ZMYM6: variants seen among roughly 807,000 people sequenced by gnomAD.
ZMYM6 encodes zinc finger MYM-type protein 6.
Under a neutral mutation model 134.0 loss-of-function variants are expected in ZMYM6, and 90 were observed. The observed-to-expected ratio is 0.67, with a 90% CI of 0.57 to 0.80. The LOEUF is 0.80. Ranked by LOEUF, ZMYM6 falls within the 30% of genes least tolerant of loss-of-function variation. The pLI is 0.00. For missense variants in ZMYM6, 1,362 were observed against 1,533.9 expected (o/e 0.89, Z 1.87); for synonymous variants, 481 against 524.1 (o/e 0.92, Z 1.12).
intron 2 of ZMYM6, among the ~76,000 whole-genome samples, chr1:35,028,042 G>A (rs1279644665): frequency 6.6e-6 from 1 of 152,126 alleles, no homozygotes; most frequent in Non-Finnish European, 1.5e-5. Context: ...GGCTGGGCAT[G>A]GTGGCTTACA....
At chr1:34,998,055 C>T (rs145865940) in intron 14 of ZMYM6, among the ~76,000 whole-genome samples, 2,008 of 152,082 alleles carry the variant, frequency 0.013, 44 homozygotes, top group African/African-American at 0.046. Context: ...CCGAGGCAGG[C>T]GGATCACAAG....
intron 4 of ZMYM6, chr1:35,018,783 C>T (rs1398281736): frequency 6.5e-6 from 1 of 153,886 alleles, no homozygotes; most frequent in Non-Finnish European, 1.4e-5. Context: ...CCTCAAATTA[C>T]ACTACCACAG....
At position 35,011,005 on chromosome 1, in the gene ZMYM6, G is replaced by A. The variant is rs1243915393; in HGVS notation, c.1094C>T (p.Ser365Phe). The A allele has an allele frequency of 1.2e-6, 2 of 1,613,848 alleles. No homozygotes were observed. Among genetic ancestry groups the A allele is most frequent in the African/African-American group, 2.7e-5 (2 of 75,046 alleles). ...NVFSKPKGTN[S>F]SAVPLSQGQV... ...GCCCTGAGACAGGGGCACCGCCGAA[G>A]AGTTTGTTCCTTTTGGCTTGCTAAA... Residue 365 changes from serine (S) to phenylalanine (F), a missense_variant, in exon 9 of 16, where the codon TCT (serine) becomes TTT (phenylalanine). Around this residue, in one of 3 missense-constraint regions of ZMYM6, gnomAD observed 503 missense variants for 520.8 expected, o/e 0.97. Coordinates refer to ENST00000357182, the MANE Select transcript of ZMYM6 (RefSeq NM_007167.4).
At chr1:35,019,950 G>C (rs549327732) in intron 3 of ZMYM6, among the ~76,000 whole-genome samples, 1 of 152,184 alleles carries the variant, frequency 6.6e-6, no homozygotes, top group East Asian at 1.9e-4. Context: ...GATTACAGGT[G>C]TTAGCCACTA....
chr1:35,003,180 C>CAAAAAAAAA (rs202093628), intron 14 of ZMYM6, among the ~76,000 whole-genome samples: 1 of 63,032 alleles, frequency 1.6e-5, no homozygotes, highest in African/African-American at 4.5e-5. Context: ...GACCCTGTCT[C>CAAAAAAAAA]AAAAAAAAAA....
In ZMYM6 at chr1:34,987,692, G is replaced by C. The variant is rs1640598918; in HGVS notation, c.3390C>G (p.Leu1130=). 1.3e-6 allele frequency: 2 copies of C among 1,550,684 alleles called. No homozygotes were observed. Among genetic ancestry groups the C allele is most frequent in the African/African-American group, 2.7e-5 (2 of 72,890 alleles). Residue 1130 remains leucine, a synonymous_variant, in exon 16 of 16, where the codon CTC becomes CTG. Transcript: ENST00000357182. ...FSLINELNLS[L]QGTLTTFFNL... ...TGAAGAAAGTAGTCAAAGTTCCTTG[G>C]AGACTTAAATTTAATTCATTTATAA...
chr1:34,987,414 T>C lies in ZMYM6; in HGVS notation c.3668A>G (p.Gln1223Arg). ...TTCGAAGTCGGTGAGATTATTATTT[T>C]GGTGATTCATAAAAGGGTGAATTAT... The part of the protein sequence containing the change: ...LWIIHPFMNH[Q>R]NNNLTDFEEE... The change falls in exon 16 of 16, where the codon CAA (glutamine) becomes CGA (arginine). Residue 1223 changes from glutamine to arginine, a missense_variant. Coordinates refer to ENST00000357182, the MANE Select transcript of ZMYM6 (RefSeq NM_007167.4). 1.9e-6 allele frequency: 3 copies of C among 1,614,090 alleles called. No homozygotes were observed. The South Asian group carries it at 3.3e-5, about 18-fold the overall frequency.
chr1:35,006,228 G>C (rs1416083496), intron 12 of ZMYM6, among the ~76,000 whole-genome samples: 1 of 152,120 alleles, frequency 6.6e-6, no homozygotes, highest in African/African-American at 2.4e-5. Flanking sequence ...GTCTGGTCTC[G>C]AACTCCTGGC....
At position 34,987,745 on chromosome 1, in the gene ZMYM6, G is replaced by C; in HGVS notation, c.3337C>G (p.Leu1113Val). The change falls in exon 16 of 16, where the codon CTG becomes GTG. Residue 1113 changes from leucine (L) to valine (V), a missense_variant. Around this residue, in one of 3 missense-constraint regions of ZMYM6, gnomAD observed 824 missense variants for 940.9 expected, o/e 0.88. Transcript: ENST00000357182. ...YFHDEEWVGK[L>V]AYLSDIFSLI... ...GAAAATATATCTGATAAGTAGGCCA[G>C]CTTTCCAACCCATTCCTCATCATGA... is the stretch of plus-strand genomic sequence containing the variant. 1 of 1,551,470 alleles carries C rather than the reference G, an allele frequency of 6.4e-7. No individual in the cohort carries two copies. The highest frequency in any genetic ancestry group is 8.7e-7 in the Non-Finnish European group (1 of 1,146,954).
chr1:34,990,490 AAAAC>A (rs1470036994), intron 15 of ZMYM6, among the ~76,000 whole-genome samples: 2 of 152,116 alleles, frequency 1.3e-5, no homozygotes, highest in Non-Finnish European at 2.9e-5. Context: ...CTCAAAAACA[AAAAC>A]AAACAAAAAA....
intron 2 of ZMYM6, among the ~76,000 whole-genome samples, chr1:35,024,500 C>T (rs889606185): frequency 2.0e-5 from 3 of 152,168 alleles, no homozygotes; most frequent in African/African-American, 7.2e-5. Context: ...CCTGTTCTAA[C>T]CCCTCAGTAA....
chr1:35,009,459 A>C (rs1188048544), intron 10 of ZMYM6, among the ~76,000 whole-genome samples: 1 of 150,630 alleles, frequency 6.6e-6, no homozygotes, highest in Non-Finnish European at 1.5e-5. Flanking sequence ...GAAACATTAG[A>C]GGTATAAAAG....
chr1:35,026,687 T>C (rs997885803), intron 2 of ZMYM6, among the ~76,000 whole-genome samples: 2 of 152,204 alleles, frequency 1.3e-5, no homozygotes, highest in Non-Finnish European at 2.9e-5. Flanking sequence ...ATGAAAGAAA[T>C]ATTGCATCTG....
rs755071454 is a variant in ZMYM6, at chr1:34,988,850, A to C, written c.2232T>G (p.Tyr744Ter). 1 of 1,597,808 alleles carries C rather than the reference A, an allele frequency of 6.3e-7. No homozygotes were observed. The highest frequency in any genetic ancestry group is 2.2e-5 in the East Asian group (1 of 44,630). Residue 744 changes from tyrosine to a stop codon, truncating the protein, a stop_gained, in exon 16 of 16, where the codon TAT (tyrosine) becomes TAG (stop). Transcript: ENST00000357182. LOFTEE classifies it high-confidence loss of function. ...AACCAACTTTTAAATATTCTGTATC[A>C]TAAGTCTGGAAAAAACCTAATCTTT... ...KKKRLGFFQT[Y>*]DTEYLKVGFI...
chr1:34,993,273 G>C (rs1351620560), intron 14 of ZMYM6, among the ~76,000 whole-genome samples: 1 of 151,822 alleles, frequency 6.6e-6, no homozygotes, highest in Non-Finnish European at 1.5e-5. Flanking sequence ...CACCACGCCT[G>C]GCTAATTTTT....
At chr1:35,024,705 C>T (rs993050657) in intron 2 of ZMYM6, among the ~76,000 whole-genome samples, 1 of 152,124 alleles carries the variant, frequency 6.6e-6, no homozygotes, top group African/African-American at 2.4e-5. Context: ...TGGCTATTTT[C>T]TCTGCTATAT....
intron 13 of ZMYM6, among the ~76,000 whole-genome samples, chr1:35,004,524 G>A (rs925572822): frequency 6.6e-6 from 1 of 151,982 alleles, no homozygotes; most frequent in Non-Finnish European, 1.5e-5. Flanking sequence ...CAGAAGAATC[G>A]CTTGAACTCG....
intron 2 of ZMYM6, among the ~76,000 whole-genome samples, chr1:35,021,315 G>C (rs1641305617): frequency 1.3e-5 from 2 of 151,650 alleles, no homozygotes; most frequent in African/African-American, 4.8e-5. Flanking sequence ...GAATTTTTGT[G>C]TTTTTTTCCA....
chr1:35,029,255 G>A (rs1160097574), intron 2 of ZMYM6, among the ~76,000 whole-genome samples: 3 of 152,142 alleles, frequency 2.0e-5, no homozygotes, highest in South Asian at 4.1e-4. Flanking sequence ...GGTCTGCTAC[G>A]TCCTACATAA....
Sources: gnomAD v4.1 joint callset for allele counts (sites outside exome capture counted in the v4.1 genomes callset) on GRCh38, gnomAD v4.1.1 for gene constraint, gnomAD v4.1.1 regional missense constraint, MANE v1.5 for transcripts, NCBI Gene and HGNC (gene_info 2026-07-23, HGNC 2026-07-21) for gene names.